Variants in GREB1 observed in about 807,000 individuals in gnomAD.
The protein encoded by GREB1 is protein GREB1.
In GREB1, 106 loss-of-function variants were observed where a neutral mutation model predicts 200.7. The ratio of observed to expected loss-of-function variants is 0.53; its 90% CI spans 0.45 to 0.62. The LOEUF (loss-of-function observed/expected upper bound fraction) is 0.62, where lower values mean the gene tolerates loss of function less well. Among genes scored for constraint, GREB1 ranks in the 20% least tolerant of loss-of-function variants. The pLI is 0.00. For missense variants in GREB1, 2,243 were observed against 2,556.8 expected (o/e 0.88, Z 2.65); for synonymous variants, 1,132 against 1,092.4 (o/e 1.04, Z -0.72).
rs954168912 is a variant in GREB1, at chr2:11,625,164, A to T, written c.4158A>T (p.Glu1386Asp). ...CTACCAATCTTGTAGACCTCAGAGA[A>T]GAATCTGACTGGCATTATCTCCAGC... ...DEEEININLR[E>D]ESDWHYLQLS... Residue 1386 changes from glutamate (E) to aspartate (D), a missense_variant, in exon 24 of 33, where the codon GAA becomes GAT. By Grantham distance (45) the Glu-to-Asp change is conservative. Coordinates refer to ENST00000381486, the MANE Select transcript of GREB1 (RefSeq NM_014668.4). 11 of 1,613,382 alleles carry T rather than the reference A, an allele frequency of 6.8e-6. No individual in the cohort carries two copies. Among genetic ancestry groups the T allele is most frequent in the Non-Finnish European group, 9.3e-6 (11 of 1,179,436 alleles).
At chr2:11,599,345 T>C (rs1249612900) in intron 15 of GREB1, among the ~76,000 whole-genome samples, 1 of 150,744 alleles carries the variant, frequency 6.6e-6, no homozygotes, top group Non-Finnish European at 1.5e-5. Context: ...TTTTTTTTTT[T>C]TTTCCTTTTT....
chr2:11,636,822 G>GGAAAGA (rs766764413), intron 30 of GREB1, among the ~76,000 whole-genome samples: 2 of 143,808 alleles, frequency 1.4e-5, no homozygotes, highest in East Asian at 2.0e-4. Context: ...ACAGAGGCAG[G>GGAAAGA]GGCAGGGACA....
chr2:11,532,111 A>T (rs2148492290), upstream of GREB1, among the ~76,000 whole-genome samples: 1 of 152,342 alleles, frequency 6.6e-6, no homozygotes, highest in South Asian at 2.1e-4. Context: ...AGCAAGAATA[A>T]AGTGGGAAAT....
chr2:11,568,881 C>A (rs552714554), intron 4 of GREB1, among the ~76,000 whole-genome samples: 1 of 152,352 alleles, frequency 6.6e-6, no homozygotes, highest in South Asian at 2.1e-4. Flanking sequence ...AATAAAATAA[C>A]TTTATGCTCT....
chr2:11,591,437 A>C (rs763781424), intron 10 of GREB1: 1 of 723,394 alleles, frequency 1.4e-6, no homozygotes, highest in Non-Finnish European at 2.6e-6. Flanking sequence ...CAGACAATTC[A>C]TAAAAGAGAA....
At chr2:11,621,199 C>T (rs555468688) in intron 23 of GREB1, among the ~76,000 whole-genome samples, 192 bp downstream of exon 23, 3 of 146,758 alleles carry the variant, frequency 2.0e-5, no homozygotes, top group African/African-American at 5.1e-5. Flanking sequence ...TGTAGTGATA[C>T]AATTATGATT....
Position 11,492,088 on chromosome 2 carries a change from C to G in GREB1, c.-159+9707C>G, listed in dbSNP as rs1040181694. ...GTCCTCTTCCCTGGATTCCCCATGG[C>G]TCTTCCAGCCGTCTGGTTGACTCCC... is the stretch of plus-strand genomic sequence containing the variant. On this transcript the variant is annotated intron_variant, in intron 1 of 2. Coordinates refer to the GREB1 transcript ENST00000628795. This position sits in a 1 kb window ranked among gnomAD's most constrained non-coding sequence, Gnocchi z 4.0. Among the ~76,000 whole-genome samples, 1 of 152,176 alleles carries G rather than the reference C, an allele frequency of 6.6e-6. No individual in the cohort carries two copies. The highest frequency in any genetic ancestry group is 1.5e-5 in the Non-Finnish European group (1 of 68,036).
intron 1 of GREB1, among the ~76,000 whole-genome samples, chr2:11,521,946 C>T (rs1673719141): frequency 6.6e-6 from 1 of 152,168 alleles, no homozygotes. Flanking sequence ...CTGTGGTCTA[C>T]ACGTTGTGAT....
rs750724090 is a variant in GREB1 at position 11,585,756 on chromosome 2, TC to T, written c.1016-4del. 34 of 1,612,556 alleles carry T rather than the reference TC, an allele frequency of 2.1e-5. No individual in the cohort carries two copies. Among genetic ancestry groups the T allele is most frequent in the Non-Finnish European group, 2.7e-5 (32 of 1,180,008 alleles). On this transcript the variant is annotated splice_polypyrimidine_tract_variant and splice_region_variant and intron_variant, in intron 8 of 32. Coordinates refer to ENST00000381486, the MANE Select transcript of GREB1 (RefSeq NM_014668.4). ...TGTTTTCACTAATATTCTTGGGTGT[TC>T]CTAGAGAGCGCAGGCATGTCCTGCG... is the stretch of plus-strand genomic sequence containing the variant.
intron 23 of GREB1, among the ~76,000 whole-genome samples, chr2:11,622,364 A>G (rs1684082046): frequency 1.3e-5 from 2 of 152,218 alleles, no homozygotes; most frequent in Non-Finnish European, 2.9e-5. Context: ...TACAGGTGTG[A>G]GCCACCGTGC....
chr2:11,552,816 C>G (rs1022842553), intron 1 of GREB1, among the ~76,000 whole-genome samples: 1 of 151,840 alleles, frequency 6.6e-6, no homozygotes, highest in African/African-American at 2.4e-5. Flanking sequence ...TCGAGACCAT[C>G]CTGGCTAACA....
At position 11,552,823 on chromosome 2, in the gene GREB1, A is replaced by G. The variant is rs914207213; in HGVS notation, c.-161-3631A>G. On this transcript the variant is annotated intron_variant, in intron 1 of 32. Transcript: ENST00000381486. The stretch of plus-strand genomic sequence containing the variant: ...TCAGGAGATCGAGACCATCCTGGCT[A>G]ACACGGTGAAACCCCGTCTCTACTA... Among the ~76,000 whole-genome samples, 15 of 151,984 alleles carry G rather than the reference A, an allele frequency of 9.9e-5. No individual in the cohort carries two copies. The East Asian group carries it at 1.9e-3, about 20-fold the overall frequency.
intron 23 of GREB1, among the ~76,000 whole-genome samples, chr2:11,621,467 G>T (rs901945257): frequency 6.6e-6 from 1 of 152,136 alleles, no homozygotes; most frequent in African/African-American, 2.4e-5. Context: ...AGTGTCTTGG[G>T]GCAAAATAGA....
intron 20 of GREB1, among the ~76,000 whole-genome samples, chr2:11,616,086 G>A (rs1200242865): frequency 2.0e-5 from 3 of 152,206 alleles, no homozygotes; most frequent in Non-Finnish European, 2.9e-5. Flanking sequence ...GCACGTCTCC[G>A]TGCTCCCTGG....
chr2:11,524,031 G>A (rs187419098), intron 1 of GREB1, among the ~76,000 whole-genome samples: 2 of 148,756 alleles, frequency 1.3e-5, no homozygotes, highest in Non-Finnish European at 2.9e-5. Flanking sequence ...CTGAAGAAAT[G>A]CACACACGTG....
rs754126814 is a variant in GREB1 at position 11,625,113 on chromosome 2, C to T, written c.4148-41C>T. The stretch of plus-strand genomic sequence containing the variant: ...GACACATGACTGTAAATCATTTTCA[C>T]TTCCTATTTTGTCACATCTATGTTT... On this transcript the variant is annotated intron_variant, in intron 23 of 32. Transcript: ENST00000381486. 31 of 1,512,538 alleles carry T rather than the reference C, an allele frequency of 2.0e-5. No homozygotes were observed. In the East Asian group the frequency reaches 6.8e-4, roughly 33 times the overall value. 93.7% of individuals were successfully genotyped at this position (1,512,538 alleles called of 1,614,324 possible).
rs747415373 is a variant in GREB1, at chr2:11,592,927, G to A, written c.1497G>A (p.Ala499=). The change falls in exon 11 of 33, where the codon GCG becomes GCA. Residue 499 remains alanine, a synonymous_variant. Coordinates refer to ENST00000381486, the MANE Select transcript of GREB1 (RefSeq NM_014668.4). ...APSAAAPVTS[A]QLPWLASLAA... ...GCGCCGCGGCACCCGTGACCTCCGC[G>A]CAGCTGCCCTGGCTGGCCAGCCTGG... 3 of 1,584,490 alleles carry A rather than the reference G, an allele frequency of 1.9e-6. No homozygotes were observed. The highest frequency in any genetic ancestry group is 2.3e-5 in the East Asian group (1 of 43,300).
chr2:11,598,613 G>C, intron 14 of GREB1, 67 bp from the exon 15 acceptor site: 1 of 1,412,472 alleles, frequency 7.1e-7, no homozygotes, highest in Admixed American at 1.7e-5. Context: ...CTCCTCAGGT[G>C]TCTGTTGAGT....
chr2:11,621,857 G>A (rs1684040644), intron 23 of GREB1, among the ~76,000 whole-genome samples: 1 of 152,210 alleles, frequency 6.6e-6, no homozygotes, highest in Admixed American at 6.5e-5. Context: ...CTGGCTCTGA[G>A]TTTTCTAAGG....
Sources: gnomAD v4.1 joint callset for allele counts (sites outside exome capture counted in the v4.1 genomes callset) on GRCh38, gnomAD v4.1.1 for gene constraint, Gnocchi (gnomAD v3.1) non-coding constraint, MANE v1.5 for transcripts, NCBI Gene and HGNC (gene_info 2026-07-23, HGNC 2026-07-21) for gene names.